Variants in CMPK1 observed in about 807,000 individuals in gnomAD.
CMPK1 encodes the protein cytidine/uridine monophosphate kinase 1.
Under a neutral mutation model 25.7 loss-of-function variants are expected in CMPK1, and 10 were observed. The ratio of observed to expected loss-of-function variants is 0.39; its 90% CI spans 0.24 to 0.66. The LOEUF is 0.66. Ranked by LOEUF, CMPK1 falls within the 30% of genes least tolerant of loss-of-function variation. The pLI is 0.48. For synonymous variants in CMPK1, 106 were observed against 101.5 expected (o/e 1.04, Z -0.27); for missense variants, 199 against 280.5 (o/e 0.71, Z 2.08).
At chr1:47,371,421 T>C (rs1382362429) in intron 2 of CMPK1, among the ~76,000 whole-genome samples, 1 of 152,256 alleles carries the variant, frequency 6.6e-6, no homozygotes, top group Non-Finnish European at 1.5e-5. Flanking sequence ...TCCATCTCCA[T>C]TGCAGCTGCT....
intron 1 of CMPK1, among the ~76,000 whole-genome samples, chr1:47,337,855 C>T (rs1646410690): frequency 6.6e-6 from 1 of 152,122 alleles, no homozygotes; most frequent in African/African-American, 2.4e-5. Context: ...TCGTGATCCA[C>T]CCACCTTGGC....
At position 47,359,390 on chromosome 1, in the gene CMPK1, T is replaced by C. The variant is rs531808505; in HGVS notation, c.172-9079T>C. ...GGTTGTTAAGAAACCTTTTTTCTTT[T>C]TTTTTTTTTTTTTTTGAGATAAAGT... On this transcript the variant is annotated intron_variant, in intron 1 of 5. Transcript: ENST00000371873. Among the ~76,000 whole-genome samples the C allele has an allele frequency of 7.9e-5, 10 of 126,590 alleles. 1 individual carries two copies. Among genetic ancestry groups the C allele is most frequent in the African/African-American group, 4.0e-4 (9 of 22,648 alleles). The allele number at this position is 126,590 out of a possible 152,430, so 83.0% of individuals were successfully genotyped here.
chr1:47,373,245 G>A, intron 3 of CMPK1, 138 bp downstream of exon 3: 3 of 666,684 alleles, frequency 4.5e-6, no homozygotes, highest in East Asian at 3.0e-5. Flanking sequence ...GGACGGAACA[G>A]CACTGTCTTG....
chr1:47,364,358 C>T (rs1646624375), intron 1 of CMPK1, among the ~76,000 whole-genome samples: 1 of 152,016 alleles, frequency 6.6e-6, no homozygotes, highest in Admixed American at 6.6e-5. Flanking sequence ...TGCTCTGTCA[C>T]CCAGGCTGGC....
At chr1:47,363,894 G>C (rs901126383) in intron 1 of CMPK1, among the ~76,000 whole-genome samples, 1 of 152,138 alleles carries the variant, frequency 6.6e-6, no homozygotes, top group Non-Finnish European at 1.5e-5. Context: ...AGTGAGCCAG[G>C]ATTGCGCCAC....
intron 1 of CMPK1, among the ~76,000 whole-genome samples, chr1:47,345,324 T>G (rs1646474759): frequency 6.6e-6 from 1 of 152,132 alleles, no homozygotes; most frequent in South Asian, 2.1e-4. Flanking sequence ...CTCAGTTTTT[T>G]TTTTTCATAG....
At chr1:47,359,774 A>G (rs1399028496) in intron 1 of CMPK1, among the ~76,000 whole-genome samples, 7 of 152,068 alleles carry the variant, frequency 4.6e-5, no homozygotes, top group South Asian at 2.1e-4. Context: ...AGCCTCCCAA[A>G]GGGCTGAGAT....
At chr1:47,363,935 T>C (rs1318381327) in intron 1 of CMPK1, among the ~76,000 whole-genome samples, 7 of 151,356 alleles carry the variant, frequency 4.6e-5, no homozygotes, top group African/African-American at 1.7e-4. Context: ...CGACCGAGAT[T>C]CCGTCTAAAA....
intron 1 of CMPK1, among the ~76,000 whole-genome samples, chr1:47,350,864 C>T (rs962149598): frequency 6.6e-5 from 10 of 150,998 alleles, no homozygotes; most frequent in Non-Finnish European, 1.0e-4. Context: ...GCCGAGATCA[C>T]GCCACTGCAC....
In CMPK1 at chr1:47,345,337, A is replaced by G. The variant is rs570846256; in HGVS notation, c.171+11221A>G. Among the ~76,000 whole-genome samples the G allele has an allele frequency of 3.3e-5, 5 of 151,612 alleles. No homozygotes were observed. In the East Asian group the frequency reaches 9.7e-4, roughly 29 times the overall value. On this transcript the variant is annotated intron_variant, in intron 1 of 5. Coordinates refer to ENST00000371873, the MANE Select transcript of CMPK1 (RefSeq NM_016308.3). ...GTCTCAGTTTTTTTTTTTCATAGAA[A>G]CTCTAGTGCAAAAGAAATACCTAAC...
chr1:47,333,962 G>C lies in CMPK1; in HGVS notation c.17G>C (p.Arg6Pro). 1 of 1,484,604 alleles carries C rather than the reference G, an allele frequency of 6.7e-7. No homozygotes were observed. The highest frequency in any genetic ancestry group is 9.0e-7 in the Non-Finnish European group (1 of 1,109,626). 92.0% of individuals were successfully genotyped at this position (1,484,604 alleles called of 1,614,324 possible). MLSRCRSGLLHVLGLS... is the reference protein window; with the variant it reads MLSRCPSGLLHVLGLS... Reference sequence around the variant, plus strand: ...GCGCGGTGTATGCTGAGCCGCTGCCGCAGCGGGCTGCTCCACGTCCTGGGC... The same window carrying C: ...GCGCGGTGTATGCTGAGCCGCTGCCCCAGCGGGCTGCTCCACGTCCTGGGC... Residue 6 changes from arginine to proline, a missense_variant, in exon 1 of 6, where the codon CGC (arginine) becomes CCC (proline). Around this residue, in one of 2 missense-constraint regions of CMPK1, gnomAD observed 59 missense variants for 45.1 expected, o/e 1.31. Transcript: ENST00000371873.
At position 47,333,945 on chromosome 1, in the gene CMPK1, T is replaced by G; in HGVS notation, c.-1T>G. 8 of 1,404,198 alleles carry G rather than the reference T, an allele frequency of 5.7e-6. No individual in the cohort carries two copies. The highest frequency in any genetic ancestry group is 3.2e-5 in the East Asian group (1 of 31,694). The allele number at this position is 1,404,198 out of a possible 1,614,324, so 87.0% of individuals were successfully genotyped here. On this transcript the variant is annotated 5_prime_UTR_variant, in exon 1 of 6. Transcript: ENST00000371873. Reference sequence around the variant, plus strand: ...CTCAGCGTCCGGCCGAGGCGCGGTGTATGCTGAGCCGCTGCCGCAGCGGGC... The same window carrying G: ...CTCAGCGTCCGGCCGAGGCGCGGTGGATGCTGAGCCGCTGCCGCAGCGGGC...
intron 1 of CMPK1, among the ~76,000 whole-genome samples, chr1:47,351,455 TGTATGCAGCACATTGTGCTTA>T (rs1646522105): frequency 1.3e-5 from 2 of 152,346 alleles, no homozygotes; most frequent in South Asian, 4.1e-4. Context: ...TTCCATTATA[TGTATGCAGCACATTGTGCTTA>T]GTCATTCATC....
intron 1 of CMPK1, among the ~76,000 whole-genome samples, chr1:47,357,903 C>T (rs1646573684): frequency 6.6e-6 from 1 of 151,942 alleles, no homozygotes; most frequent in East Asian, 1.9e-4. Context: ...CATTAGGGAT[C>T]AAGTTTCCAA....
In CMPK1 at chr1:47,343,688, A is replaced by T. The variant is rs574105825; in HGVS notation, c.171+9572A>T. Among the ~76,000 whole-genome samples the T allele has an allele frequency of 3.7e-3, 567 of 152,178 alleles. 2 individuals are homozygous for T. The highest frequency in any genetic ancestry group is 6.8e-3 in the Middle Eastern group (2 of 294). On this transcript the variant is annotated intron_variant, in intron 1 of 5. Coordinates refer to ENST00000371873, the MANE Select transcript of CMPK1 (RefSeq NM_016308.3). ...CAGCACTTTGGGAAGCCAGGGTGCA[A>T]GAATTACTTGAGCCAAGGAGTTCAA...
rs1256279582 is a variant in CMPK1 at position 47,377,604 on chromosome 1, T to G, written c.*859T>G. 6 of 152,612 alleles carry G rather than the reference T, an allele frequency of 3.9e-5. No individual in the cohort carries two copies. Among genetic ancestry groups the G allele is most frequent in the East Asian group, 1.9e-4 (1 of 5,200 alleles). 9.5% of individuals were successfully genotyped at this position (152,612 alleles called of 1,614,324 possible). On this transcript the variant is annotated 3_prime_UTR_variant, in exon 6 of 6. Transcript: ENST00000371873. ...TTTTAGTAACACTTCAAAGGTTTTT[T>G]TTTGTTTGTTTTCTAGACTTAATAA...
intron 1 of CMPK1, among the ~76,000 whole-genome samples, chr1:47,357,992 G>A (rs548156786): frequency 8.6e-5 from 13 of 151,638 alleles, no homozygotes; most frequent in Non-Finnish European, 1.5e-4. Context: ...TTCCTCTATC[G>A]GCGTGTAATT....
rs1007673597 is a variant in CMPK1 at position 47,378,501 on chromosome 1, G to A, written c.*1756G>A. Reference sequence around the variant, plus strand: ...TTTTGAAGAAGACTGATGAGACTAGGTGCTTTGCTTCCTTTCATCAGGTAT... The same window carrying A: ...TTTTGAAGAAGACTGATGAGACTAGATGCTTTGCTTCCTTTCATCAGGTAT... On this transcript the variant is annotated 3_prime_UTR_variant, in exon 6 of 6. Transcript: ENST00000371873. The A allele has an allele frequency of 2.0e-5, 3 of 152,170 alleles. No individual in the cohort carries two copies. Among genetic ancestry groups the A allele is most frequent in the Admixed American group, 6.5e-5 (1 of 15,270 alleles). 9.4% of individuals were successfully genotyped at this position (152,170 alleles called of 1,614,324 possible). A position where few individuals can be genotyped will look rare whatever the true frequency, so the allele number is the denominator to read the frequency against.
intron 2 of CMPK1, among the ~76,000 whole-genome samples, chr1:47,371,208 C>T (rs543182520): frequency 1.3e-5 from 2 of 152,240 alleles, no homozygotes; most frequent in East Asian, 3.9e-4. Flanking sequence ...CTTGTACACA[C>T]ATTCTTACCT....
Sources: gnomAD v4.1 joint callset for allele counts (sites outside exome capture counted in the v4.1 genomes callset) on GRCh38, gnomAD v4.1.1 for gene constraint, gnomAD v4.1.1 regional missense constraint, MANE v1.5 for transcripts, NCBI Gene and HGNC (gene_info 2026-07-23, HGNC 2026-07-21) for gene names.